Variants in KRABD3 observed in about 807,000 individuals in gnomAD.
KRABD3 encodes the protein KRAB domain-containing protein 3.
chr7:149,725,027 C>G, the KRABD3 span, among the ~76,000 whole-genome samples: 1 of 152,226 alleles, frequency 6.6e-6, no homozygotes, highest in East Asian at 1.9e-4. Flanking sequence ...TCCAAGCCCC[C>G]GCTGCCTCGG....
chr7:149,725,204 A>T, the KRABD3 span: 1 of 1,096,956 alleles, frequency 9.1e-7, no homozygotes, highest in Non-Finnish European at 1.3e-6. Context: ...AGAGCCTGGT[A>T]CAGGACTCGT....
At chr7:149,722,644 G>C in the KRABD3 span, 1 of 1,495,288 alleles carries the variant, frequency 6.7e-7, no homozygotes, top group South Asian at 1.2e-5. Flanking sequence ...CCTGGGCCTG[G>C]TGGCAGCTCC....
At chr7:149,722,405 G>C in the KRABD3 span, 5 of 1,596,188 alleles carry the variant, frequency 3.1e-6, no homozygotes, top group South Asian at 5.7e-5. Context: ...AGGCCCTCTT[G>C]TCTTCTCCTG....
the KRABD3 span, among the ~76,000 whole-genome samples, chr7:149,716,914 T>C: frequency 1.6e-4 from 24 of 152,342 alleles, no homozygotes; most frequent in Admixed American, 1.4e-3. Flanking sequence ...TAGGTTGTTA[T>C]GATCCCAGTA....
the KRABD3 span, chr7:149,719,808 CTA>C: frequency 8.0e-7 from 1 of 1,253,102 alleles, no homozygotes; most frequent in African/African-American, 1.5e-5. The surrounding 1 kb of genome is among the most constrained non-coding windows in gnomAD (Gnocchi z 5.6). Flanking sequence ...TGCTGCTATT[CTA>C]TGTCCCGGGA....
chr7:149,730,720 T>A, the KRABD3 span: 2 of 1,027,858 alleles, frequency 1.9e-6, no homozygotes, highest in Non-Finnish European at 2.8e-6. Flanking sequence ...TAAGGTGAGC[T>A]GTGTCCGAGA....
At chr7:149,725,724 G>A in the KRABD3 span, among the ~76,000 whole-genome samples, 2 of 152,278 alleles carry the variant, frequency 1.3e-5, no homozygotes, top group African/African-American at 2.4e-5. Context: ...CTCACTGTGG[G>A]GTTTCTGTGG....
chr7:149,732,171 G>A, the KRABD3 span, among the ~76,000 whole-genome samples: 1 of 152,182 alleles, frequency 6.6e-6, no homozygotes, highest in Non-Finnish European at 1.5e-5. The surrounding 1 kb of genome is among the most constrained non-coding windows in gnomAD (Gnocchi z 4.0). Context: ...GTCACTTGGG[G>A]ACAGCCCCAC....
At chr7:149,728,291 C>T in the KRABD3 span, among the ~76,000 whole-genome samples, 10 of 152,334 alleles carry the variant, frequency 6.6e-5, no homozygotes, top group African/African-American at 2.2e-4. Context: ...GTGGCCAACG[C>T]CCTCATGACA....
chr7:149,722,467 C>T, the KRABD3 span: 8 of 1,607,588 alleles, frequency 5.0e-6, no homozygotes, highest in African/African-American at 5.3e-5. Context: ...GGCCCAGGAG[C>T]CCTGGGCGGG....
At chr7:149,726,149 C>G in the KRABD3 span, 1 of 1,199,258 alleles carries the variant, frequency 8.3e-7, no homozygotes, top group Non-Finnish European at 1.2e-6. Context: ...TGGGTCAGAC[C>G]CCCATGCCCG....
At chr7:149,724,995 G>A in the KRABD3 span, 1 of 723,228 alleles carries the variant, frequency 1.4e-6, no homozygotes, top group Non-Finnish European at 2.2e-6. Context: ...TTCATCCACA[G>A]CCTCCTCAGC....
the KRABD3 span, chr7:149,721,733 A>G: frequency 1.2e-5 from 9 of 729,656 alleles, no homozygotes; most frequent in South Asian, 1.0e-4. Context: ...AAGAGGAGGC[A>G]TGATGCTCAG....
chr7:149,731,501 C>A, the KRABD3 span, among the ~76,000 whole-genome samples: 1 of 152,222 alleles, frequency 6.6e-6, no homozygotes, highest in African/African-American at 2.4e-5. Context: ...ACACGCACCG[C>A]GGCGGGCCCT....
chr7:149,724,164 A>G, the KRABD3 span, among the ~76,000 whole-genome samples: 2 of 152,114 alleles, frequency 1.3e-5, no homozygotes, highest in Non-Finnish European at 2.9e-5. Context: ...GAAATAGAGG[A>G]TGGAGCTCTA....
chr7:149,720,253 A>G, the KRABD3 span: 1 of 1,055,574 alleles, frequency 9.5e-7, no homozygotes, highest in Non-Finnish European at 1.4e-6. Context: ...CAACCTCCCA[A>G]GCTTTCACCC....
chr7:149,724,537 T>G, the KRABD3 span: 1 of 671,312 alleles, frequency 1.5e-6, no homozygotes, highest in Non-Finnish European at 2.3e-6. Context: ...AGCCGGTGAC[T>G]GCCGTGGAGG....
the KRABD3 span, chr7:149,728,592 T>G: frequency 6.2e-7 from 1 of 1,613,808 alleles, no homozygotes; most frequent in Non-Finnish European, 8.5e-7. Flanking sequence ...GTGCCTGTGC[T>G]GCGGCCTGCC....
At chr7:149,723,064 G>A in the KRABD3 span, 21 of 964,030 alleles carry the variant, frequency 2.2e-5, no homozygotes, top group South Asian at 1.0e-4. Context: ...CAGCTTGGTC[G>A]CTGCTGTGTT....
Sources: allele counts gnomAD v4.1 joint callset (sites outside exome capture counted in the v4.1 genomes callset), GRCh38; gene constraint gnomAD v4.1.1; non-coding constraint Gnocchi (gnomAD v3.1); transcripts MANE v1.5; gene names NCBI Gene and HGNC (gene_info 2026-07-23, HGNC 2026-07-21).